The following MYLK4 variants were observed in gnomAD, a reference collection of about 807,000 sequenced individuals.
MYLK4 encodes the protein myosin light chain kinase family member 4.
MYLK4 carries 46 observed loss-of-function variants against 48.1 expected under a neutral mutation model. The ratio of observed to expected loss-of-function variants is 0.96; its 90% CI spans 0.75 to 1.22. MYLK4 has a LOEUF of 1.22. Ranked by LOEUF, MYLK4 falls within the 50% of genes most tolerant of loss-of-function variation. The pLI is 0.00. For synonymous variants in MYLK4, 170 were observed against 180.8 expected (o/e 0.94, Z 0.48); for missense variants, 451 against 486.1 (o/e 0.93, Z 0.68).
chr6:2,749,016 A>G, intron 2 of MYLK4, 120 bp downstream of exon 2: 1 of 881,260 alleles, frequency 1.1e-6, no homozygotes, highest in South Asian at 1.8e-5. Context: ...TCACTGAAGC[A>G]AAGTGGAATG....
At chr6:2,694,501 T>C (rs1368792700) in intron 2 of MYLK4, among the ~76,000 whole-genome samples, 28 of 52,158 alleles carry the variant, frequency 5.4e-4, no homozygotes, top group African/African-American at 2.1e-3. Context: ...ATGGTGGTGG[T>C]GGTGGTGGTG....
At chr6:2,768,013 T>G in the MYLK4 span, among the ~76,000 whole-genome samples, 1 of 152,226 alleles carries the variant, frequency 6.6e-6, no homozygotes, top group African/African-American at 2.4e-5. Flanking sequence ...TCTCATCCTT[T>G]AGTACTAATA....
chr6:2,743,646 T>C (rs937799971), intron 2 of MYLK4, among the ~76,000 whole-genome samples: 2 of 152,210 alleles, frequency 1.3e-5, no homozygotes, highest in Non-Finnish European at 2.9e-5. Flanking sequence ...TTTTTAGCTC[T>C]CACAAACAAA....
At chr6:2,699,287 C>CTTTTCTTTT (rs1193027641) in intron 2 of MYLK4, among the ~76,000 whole-genome samples, 8 of 77,902 alleles carry the variant, frequency 1.0e-4, no homozygotes, top group South Asian at 5.4e-4. Context: ...CTTTTCTTTT[C>CTTTTCTTTT]TTTTTTTTTT....
At position 2,671,276 on chromosome 6, in the gene MYLK4, C is replaced by T; in HGVS notation, c.*25G>A. ...CCTCTTCAGGAGACCCAAGACTAAC[C>T]TTCCAAATGGCTGCCTCCTGTAGAC... On this transcript the variant is annotated splice_region_variant and 3_prime_UTR_variant, in exon 12 of 13. Coordinates refer to ENST00000274643, the MANE Select transcript of MYLK4 (RefSeq NM_001012418.5). 6.2e-7 allele frequency: 1 copy of T among 1,611,426 alleles called. No individual in the cohort carries two copies. The highest frequency in any genetic ancestry group is 8.5e-7 in the Non-Finnish European group (1 of 1,177,802).
At chr6:2,766,313 A>C in the MYLK4 span, 17 of 1,610,118 alleles carry the variant, frequency 1.1e-5, no homozygotes, top group Admixed American at 1.7e-5. Flanking sequence ...GGCCGACACG[A>C]TGCGTCCTGA....
chr6:2,745,545 C>G (rs764104121), intron 2 of MYLK4, among the ~76,000 whole-genome samples: 100 of 152,072 alleles, frequency 6.6e-4, no homozygotes, highest in Non-Finnish European at 1.3e-3. Flanking sequence ...AAATTTTACA[C>G]AGTAGGTAGA....
At chr6:2,764,327 A>G in the MYLK4 span, among the ~76,000 whole-genome samples, 3 of 152,108 alleles carry the variant, frequency 2.0e-5, no homozygotes, top group Non-Finnish European at 4.4e-5. Flanking sequence ...GCTAAGGCGG[A>G]AGGGTCCCGG....
rs1761671062 is a variant in MYLK4 at position 2,688,949 on chromosome 6, G to A, written c.243C>T (p.Ile81=). ...GATCAAATGGGGCCGGAGGAGCCGGGATGTCAACTAGAAGGTGAGAGAAAC... is the reference window on the plus strand; with the variant it reads ...GATCAAATGGGGCCGGAGGAGCCGGAATGTCAACTAGAAGGTGAGAGAAAC... ...SKRTSALAVD[I]PAPPAPFDHR... The change falls in exon 4 of 13, where the codon ATC becomes ATT. Residue 81 remains isoleucine, a synonymous_variant. Transcript: ENST00000274643. 6.2e-7 allele frequency: 1 copy of A among 1,614,142 alleles called. No homozygotes were observed. Among genetic ancestry groups the A allele is most frequent in the Middle Eastern group, 1.6e-4 (1 of 6,062 alleles).
chr6:2,675,389 G>C (rs1240196328), intron 10 of MYLK4, among the ~76,000 whole-genome samples: 2 of 152,126 alleles, frequency 1.3e-5, no homozygotes, highest in African/African-American at 4.8e-5. Context: ...TCAAATATAA[G>C]TAACCATTTC....
intron 3 of MYLK4, among the ~76,000 whole-genome samples, chr6:2,689,992 T>C (rs1761711054): frequency 6.6e-6 from 1 of 152,154 alleles, no homozygotes; most frequent in African/African-American, 2.4e-5. Context: ...ACATTCACTG[T>C]TTCAGATTAA....
At chr6:2,729,371 G>A (rs899768824) in intron 2 of MYLK4, among the ~76,000 whole-genome samples, 2 of 152,378 alleles carry the variant, frequency 1.3e-5, no homozygotes, top group Admixed American at 6.5e-5. Context: ...GGCAGGAGAC[G>A]AGGATGCCAA....
chr6:2,676,457 T>C (rs1027666802), intron 10 of MYLK4, among the ~76,000 whole-genome samples: 2 of 152,200 alleles, frequency 1.3e-5, no homozygotes, highest in Non-Finnish European at 2.9e-5. Flanking sequence ...AGGTGAAAAA[T>C]GATGATTCTG....
chr6:2,676,247 T>C (rs1318523093), intron 10 of MYLK4, among the ~76,000 whole-genome samples: 1 of 152,198 alleles, frequency 6.6e-6, no homozygotes, highest in Non-Finnish European at 1.5e-5. Context: ...CCAAAATATT[T>C]AAGTATAAGA....
intron 3 of MYLK4, among the ~76,000 whole-genome samples, chr6:2,689,422 T>C (rs980595533): frequency 6.6e-6 from 1 of 152,240 alleles, no homozygotes; most frequent in Non-Finnish European, 1.5e-5. Flanking sequence ...CTTGATATTA[T>C]ATATTACTTT....
At chr6:2,725,458 C>G (rs1307818659) in intron 2 of MYLK4, among the ~76,000 whole-genome samples, 2 of 151,074 alleles carry the variant, frequency 1.3e-5, no homozygotes, top group African/African-American at 4.9e-5. Flanking sequence ...CTGGGTGACA[C>G]AGTAAGGCCC....
At chr6:2,763,839 G>A in the MYLK4 span, among the ~76,000 whole-genome samples, 42 of 133,694 alleles carry the variant, frequency 3.1e-4, no homozygotes, top group African/African-American at 1.2e-3. Context: ...TCACTGCTGA[G>A]GGACAAATGA....
upstream of MYLK4, among the ~76,000 whole-genome samples, chr6:2,754,324 T>C (rs555147349): frequency 1.3e-5 from 2 of 151,952 alleles, no homozygotes; most frequent in East Asian, 3.9e-4. Flanking sequence ...GGTATACACA[T>C]ACAAATGGAA....
At chr6:2,756,606 T>C in the MYLK4 span, among the ~76,000 whole-genome samples, 9 of 152,318 alleles carry the variant, frequency 5.9e-5, no homozygotes, top group African/African-American at 1.9e-4. Flanking sequence ...CTCATACTGA[T>C]ATATTTCTAT....
Sources: allele counts gnomAD v4.1 joint callset (sites outside exome capture counted in the v4.1 genomes callset), GRCh38; gene constraint gnomAD v4.1.1; transcripts MANE v1.5; gene names NCBI Gene and HGNC (gene_info 2026-07-23, HGNC 2026-07-21).